SUN1: variants seen among roughly 807,000 people sequenced by gnomAD.
SUN1 encodes the protein SUN domain-containing protein 1.
Under a neutral mutation model 103.2 loss-of-function variants are expected in SUN1, and 61 were observed. That is an observed-to-expected ratio of 0.59 (90% CI 0.48 to 0.73). The LOEUF is 0.73. Among genes scored for constraint, SUN1 ranks in the 30% least tolerant of loss-of-function variants. The pLI is 0.00. For missense variants in SUN1, 1,052 were observed against 1,034.6 expected, an observed-to-expected ratio of 1.02 and a Z score of -0.23; for synonymous variants, 490 against 425.7, an observed-to-expected ratio of 1.15 and a Z score of -1.86.
chr7:851,959 C>G lies in SUN1; in HGVS notation c.767C>G (p.Ala256Gly), dbSNP rs775206908. Reference protein sequence around the residue: ...WLAVVAPGKAASGVFWWLGIG... With the variant: ...WLAVVAPGKAGSGVFWWLGIG... The stretch of plus-strand genomic sequence containing the variant: ...GTGTTTTCTCTTGTAGGGAAGGCAG[C>G]CTCTGGAGTGTTCTGGTGGCTGGGG... The change falls in exon 7 of 19, where the codon GCC becomes GGC. Residue 256 changes from alanine (A) to glycine (G), a missense_variant. Ala to Gly is a moderately conservative substitution (Grantham distance 60). Transcript: ENST00000401592. The G allele has an allele frequency of 2.5e-6, 4 of 1,613,970 alleles. No individual in the cohort carries two copies. Among genetic ancestry groups the G allele is most frequent in the East Asian group, 4.5e-5 (2 of 44,876 alleles).
Position 856,493 on chromosome 7 carries a change from G to A in SUN1, c.1394+92G>A, listed in dbSNP as rs559463970. ...CAGAGTGATGAATGGGGGACCCGGG[G>A]CCGGCCTCCCCCGAGGGTCACCTGA... On this transcript the variant is annotated intron_variant, in intron 12 of 18. Coordinates refer to ENST00000401592, the MANE Select transcript of SUN1 (RefSeq NM_001130965.3). 211 of 1,477,170 alleles carry A rather than the reference G, an allele frequency of 1.4e-4. 2 individuals carry two copies. The Middle Eastern group carries it at 6.8e-3, about 47-fold the overall frequency. The allele number at this position is 1,477,170 out of a possible 1,614,324, so 91.5% of individuals were successfully genotyped here.
At chr7:828,249 TTTTTG>T (rs1023501746), upstream of SUN1, among the ~76,000 whole-genome samples, 55 of 98,244 alleles carry the variant, frequency 5.6e-4, no homozygotes, top group African/African-American at 1.8e-3. Flanking sequence ...TATGTTTTTG[TTTTTG>T]TTTTTGTTTT....
chr7:822,076 G>A (rs1444499866), intron 1 of SUN1, among the ~76,000 whole-genome samples: 1 of 152,206 alleles, frequency 6.6e-6, no homozygotes, highest in Non-Finnish European at 1.5e-5. Context: ...GAGGAGACCA[G>A]GCCTGCTACA....
chr7:842,169 TG>T, intron 3 of SUN1, 39 bp downstream of exon 3: 1 of 1,597,296 alleles, frequency 6.3e-7, no homozygotes, highest in Non-Finnish European at 8.6e-7. Flanking sequence ...CGCCTACAGT[TG>T]GGGTGTTTCT....
chr7:841,705 G>A, intron 2 of SUN1: 1 of 474,402 alleles, frequency 2.1e-6, no homozygotes, highest in Non-Finnish European at 3.7e-6. Context: ...TTGGGGTCAT[G>A]GTGCCCAAAA....
intron 1 of SUN1, chr7:817,406 G>A: frequency 2.0e-6 from 3 of 1,535,380 alleles, no homozygotes; most frequent in Non-Finnish European, 2.6e-6. Context: ...CCAGAATGGT[G>A]TCTGGTGCAA....
intron 14 of SUN1, among the ~76,000 whole-genome samples, chr7:860,595 C>T (rs1831413416): frequency 6.6e-6 from 1 of 152,180 alleles, no homozygotes; most frequent in Non-Finnish European, 1.5e-5. Context: ...CTGTCAGTGT[C>T]ATTACTGAGC....
At position 852,849 on chromosome 7, in the gene SUN1, T is replaced by C. The variant is rs1823554729; in HGVS notation, c.950T>C (p.Phe317Ser). Residue 317 changes from phenylalanine (F) to serine (S), a missense_variant, in exon 9 of 19, where the codon TTC becomes TCC. Phe to Ser is a radical substitution (Grantham distance 155). Coordinates refer to ENST00000401592, the MANE Select transcript of SUN1 (RefSeq NM_001130965.3). ...CGGGGCCAGGGCAATTTCTTTTCGT[T>C]CTTGCCCGTGTTGAACTGGGCAAGC... ...SLRGQGNFFSFLPVLNWASMH... is the reference protein window; with the variant it reads ...SLRGQGNFFSSLPVLNWASMH... 6.2e-7 allele frequency: 1 copy of C among 1,613,798 alleles called. No homozygotes were observed. Among genetic ancestry groups the C allele is most frequent in the Non-Finnish European group, 8.5e-7 (1 of 1,179,764 alleles).
At chr7:866,107 A>C (rs200467708) in intron 16 of SUN1, 40 bp downstream of exon 16, 1 of 1,567,898 alleles carries the variant, frequency 6.4e-7, no homozygotes, top group South Asian at 1.1e-5. Flanking sequence ...CCTCTTCAGC[A>C]TGGACTCGGT....
chr7:865,371 A>T (rs752284617), intron 15 of SUN1, among the ~76,000 whole-genome samples: 2 of 152,186 alleles, frequency 1.3e-5, no homozygotes, highest in African/African-American at 2.4e-5. Flanking sequence ...TCGGCCTCCC[A>T]AAGTGCTGGG....
rs199719259 is a variant in SUN1, at chr7:852,861, T to G, written c.962T>G (p.Leu321Trp). 253 of 1,614,036 alleles carry G rather than the reference T, an allele frequency of 1.6e-4. No individual in the cohort carries two copies. The highest frequency in any genetic ancestry group is 1.3e-3 in the Middle Eastern group (8 of 6,062). ...AATTTCTTTTCGTTCTTGCCCGTGTTGAACTGGGCAAGCATGCATAGAACA... is the reference window on the plus strand; with the variant it reads ...AATTTCTTTTCGTTCTTGCCCGTGTGGAACTGGGCAAGCATGCATAGAACA... The part of the protein sequence containing the change: ...QGNFFSFLPV[L>W]NWASMHRTQR... The change falls in exon 9 of 19, where the codon TTG (leucine) becomes TGG (tryptophan). Residue 321 changes from leucine to tryptophan, a missense_variant. Physicochemically the swap from Leu to Trp is moderately conservative, Grantham distance 61 (BLOSUM62 -2). Coordinates refer to ENST00000401592, the MANE Select transcript of SUN1 (RefSeq NM_001130965.3).
chr7:848,613 A>G (rs1818826703), intron 5 of SUN1: 1 of 1,324,964 alleles, frequency 7.5e-7, no homozygotes, highest in Non-Finnish European at 9.9e-7. Context: ...CATGAATCAA[A>G]AGGTATTTAA....
chr7:854,242 G>A (rs1239641904), intron 10 of SUN1, among the ~76,000 whole-genome samples: 1 of 152,270 alleles, frequency 6.6e-6, no homozygotes, highest in South Asian at 2.1e-4. Flanking sequence ...GCACGTGCCT[G>A]TGGGTGTGAT....
Position 865,989 on chromosome 7 carries a change from C to T in SUN1, c.1902C>T (p.Tyr634=), listed in dbSNP as rs770512687. 3.9e-5 allele frequency: 63 copies of T among 1,614,002 alleles called. No homozygotes were observed. Among genetic ancestry groups the T allele is most frequent in the Admixed American group, 1.3e-4 (8 of 60,002 alleles). ...TGAGTACTCGCTGTTCTGAAACTTA[C>T]GAAACCAAAACGGCGCTGATGAGTC... The part of the protein sequence containing the change: ...SILSTRCSET[Y]ETKTALMSLF... The change falls in exon 16 of 19, where the codon TAC becomes TAT. Residue 634 remains tyrosine (Y), a synonymous_variant. Coordinates refer to ENST00000401592, the MANE Select transcript of SUN1 (RefSeq NM_001130965.3).
intron 5 of SUN1, 35 bp from the exon 6 acceptor site, chr7:851,349 G>C (rs559762828): frequency 6.5e-7 from 1 of 1,543,838 alleles, no homozygotes; most frequent in East Asian, 2.4e-5. Context: ...GGTCCCTGGC[G>C]TCTGTCTGAG....
intron 5 of SUN1, chr7:848,492 GT>G (rs1429942018): frequency 7.3e-7 from 1 of 1,364,338 alleles, no homozygotes; most frequent in Admixed American, 1.9e-5. Context: ...ATCATTTTTA[GT>G]TCAACTTTTT....
chr7:838,931 G>T lies in SUN1; in HGVS notation c.211G>T (p.Val71Leu). The change falls in exon 2 of 19, where the codon GTG becomes TTG. Residue 71 changes from valine (V) to leucine (L), a missense_variant. Val to Leu is a conservative substitution (Grantham distance 32). Coordinates refer to ENST00000401592, the MANE Select transcript of SUN1 (RefSeq NM_001130965.3). Reference protein sequence around the residue: ...TACTLGDGEAVGADSGTSSAV... With the variant: ...TACTLGDGEALGADSGTSSAV... ...ATGCACCCTGGGGGATGGTGAGGCTGTGGGTGCCGACAGCGGCACCAGCAG... is the reference window on the plus strand; with the variant it reads ...ATGCACCCTGGGGGATGGTGAGGCTTTGGGTGCCGACAGCGGCACCAGCAG... 2.5e-6 allele frequency: 4 copies of T among 1,610,692 alleles called. No homozygotes were observed. Among genetic ancestry groups the T allele is most frequent in the Non-Finnish European group, 3.4e-6 (4 of 1,179,018 alleles).
Position 860,311 on chromosome 7 carries a change from A to G in SUN1, c.1708A>G (p.Lys570Glu). The change falls in exon 14 of 19, where the codon AAG becomes GAG. Residue 570 changes from lysine (K) to glutamate (E), a missense_variant. Lys to Glu is a moderately conservative substitution (Grantham distance 56). Around this residue, in one of 2 missense-constraint regions of SUN1, gnomAD observed 846 missense variants for 774.5 expected, o/e 1.09. Coordinates refer to ENST00000401592, the MANE Select transcript of SUN1 (RefSeq NM_001130965.3). ...CGTCACCCACCACGTTTCCGTGACC[A>G]AGCAGCTCCCAACCTCAGAAGCCGT... The part of the protein sequence containing the change: ...RNVTHHVSVT[K>E]QLPTSEAVVS... The G allele has an allele frequency of 1.2e-6, 2 of 1,614,208 alleles. No individual in the cohort carries two copies. Among genetic ancestry groups the G allele is most frequent in the Non-Finnish European group, 1.7e-6 (2 of 1,180,026 alleles).
Position 843,397 on chromosome 7 carries a change from G to A in SUN1, c.535G>A (p.Ala179Thr), listed in dbSNP as rs200430189. Residue 179 changes from alanine to threonine, a missense_variant, in exon 5 of 19, where the codon GCG (alanine) becomes ACG (threonine). Physicochemically the swap from Ala to Thr is moderately conservative, Grantham distance 58. Transcript: ENST00000401592. ...GGATGTGGGAGCCGCCGCCGCCACC[G>A]CGCACAACGGCTTCTCCTGCAGCAA... is the stretch of plus-strand genomic sequence containing the variant. ...NGDVGAAAAT[A>T]HNGFSCSNCS... is the part of the protein sequence containing the mutation. 2.8e-4 allele frequency: 454 copies of A among 1,612,664 alleles called. No homozygotes were observed. Among genetic ancestry groups the A allele is most frequent in the Non-Finnish European group, 3.5e-4 (412 of 1,179,022 alleles).
Sources: allele counts gnomAD v4.1 joint callset (sites outside exome capture counted in the v4.1 genomes callset), GRCh38; gene constraint gnomAD v4.1.1; regional missense constraint gnomAD v4.1.1; transcripts MANE v1.5; gene names NCBI Gene and HGNC (gene_info 2026-07-23, HGNC 2026-07-21).